Variants in STARD13 observed in about 807,000 individuals in gnomAD.
The protein encoded by STARD13 is stAR-related lipid transfer protein 13.
STARD13 carries 62 observed loss-of-function variants against 106.4 expected under a neutral mutation model. The observed-to-expected ratio is 0.58, with a 90% CI of 0.48 to 0.72. The LOEUF (loss-of-function observed/expected upper bound fraction) is 0.72. Ranked by LOEUF, STARD13 falls within the 30% of genes least tolerant of loss-of-function variation. The probability of loss-of-function intolerance (pLI) is 0.00; values close to 1 mark genes in which losing one functional copy is unlikely to be tolerated. For synonymous variants in STARD13, 565 were observed against 553.0 expected, an observed-to-expected ratio of 1.02 and a Z score of -0.31; for missense variants, 1,387 against 1,424.0, an observed-to-expected ratio of 0.97 and a Z score of 0.42.
chr13:33,522,398 A>T, the STARD13 span, among the ~76,000 whole-genome samples: 1 of 152,098 alleles, frequency 6.6e-6, no homozygotes, highest in African/African-American at 2.4e-5. Context: ...CACAAAGCCC[A>T]TAGTGTACAG....
chr13:33,135,802 T>C (rs1878975145), intron 4 of STARD13, among the ~76,000 whole-genome samples: 1 of 152,178 alleles, frequency 6.6e-6, no homozygotes, highest in African/African-American at 2.4e-5. Flanking sequence ...TTAACTTAGA[T>C]AACAAAGAAG....
the STARD13 span, among the ~76,000 whole-genome samples, chr13:33,589,231 A>G: frequency 0.07 from 10,620 of 152,100 alleles, 399 homozygotes; most frequent in East Asian, 0.098. Flanking sequence ...AATTTTGTCA[A>G]TCTTTTCAAA....
At chr13:33,554,044 C>T in the STARD13 span, among the ~76,000 whole-genome samples, 1 of 151,998 alleles carries the variant, frequency 6.6e-6, no homozygotes. Flanking sequence ...CTCTCCCTTC[C>T]ATGAGTTTAT....
chr13:33,339,091 G>A (rs2077930729), intron 1 of STARD13, among the ~76,000 whole-genome samples: 1 of 152,078 alleles, frequency 6.6e-6, no homozygotes, highest in Non-Finnish European at 1.5e-5. Context: ...ACTGTGCTAA[G>A]TTCTTTGCAA....
At chr13:33,557,748 A>G in the STARD13 span, among the ~76,000 whole-genome samples, 12 of 152,108 alleles carry the variant, frequency 7.9e-5, no homozygotes, top group Non-Finnish European at 1.6e-4. Context: ...CACTCCCACC[A>G]CTCATTTAGT....
At chr13:33,182,592 T>C (rs1278366520) in intron 1 of STARD13, among the ~76,000 whole-genome samples, 1 of 150,044 alleles carries the variant, frequency 6.7e-6, no homozygotes, top group Non-Finnish European at 1.5e-5. Context: ...GCTGATGAGC[T>C]AAAAAAAAAA....
At chr13:33,662,996 G>A in the STARD13 span, among the ~76,000 whole-genome samples, 4 of 152,204 alleles carry the variant, frequency 2.6e-5, no homozygotes, top group South Asian at 6.2e-4. Flanking sequence ...AGAGTGAGGT[G>A]AGGTATTTAT....
chr13:33,385,869 A>AAC, the STARD13 span, among the ~76,000 whole-genome samples: 2 of 151,376 alleles, frequency 1.3e-5, no homozygotes, highest in African/African-American at 4.8e-5. Context: ...AAAAACAAAA[A>AAC]AAAAAAAATT....
the STARD13 span, among the ~76,000 whole-genome samples, chr13:33,480,352 A>C: frequency 2.6e-5 from 4 of 152,210 alleles, no homozygotes; most frequent in Non-Finnish European, 5.9e-5. Flanking sequence ...AAAAGTGAAC[A>C]AAATTAAGCT....
chr13:33,610,058 T>G, the STARD13 span, among the ~76,000 whole-genome samples: 2 of 146,526 alleles, frequency 1.4e-5, no homozygotes, highest in African/African-American at 5.4e-5. Flanking sequence ...AAAGCTAGAT[T>G]TACATTGATA....
At chr13:33,402,185 T>A in the STARD13 span, among the ~76,000 whole-genome samples, 5 of 152,294 alleles carry the variant, frequency 3.3e-5, no homozygotes, top group African/African-American at 1.2e-4. Context: ...AAATTGTACA[T>A]CTCCCATGAT....
chr13:33,442,534 A>C, the STARD13 span, among the ~76,000 whole-genome samples: 1 of 152,272 alleles, frequency 6.6e-6, no homozygotes, highest in Non-Finnish European at 1.5e-5. Flanking sequence ...TTTGAATTTG[A>C]TGAATATATG....
chr13:33,124,672 A>T (rs1347895248), intron 7 of STARD13, among the ~76,000 whole-genome samples: 1 of 152,112 alleles, frequency 6.6e-6, no homozygotes, highest in Non-Finnish European at 1.5e-5. Flanking sequence ...ATAGCTATGG[A>T]CATTAACTTT....
the STARD13 span, among the ~76,000 whole-genome samples, chr13:33,550,935 A>G: frequency 2.6e-5 from 4 of 152,206 alleles, no homozygotes; most frequent in South Asian, 8.3e-4. Context: ...TTTTCCACTT[A>G]TACCACCATC....
downstream of STARD13, among the ~76,000 whole-genome samples, chr13:33,344,036 C>T (rs1167469758): frequency 6.6e-6 from 1 of 152,040 alleles, no homozygotes; most frequent in Non-Finnish European, 1.5e-5. Flanking sequence ...CTGTATTCGC[C>T]CCAGAATTCT....
chr13:33,350,780 T>G, upstream of STARD13: 10 of 450,216 alleles, frequency 2.2e-5, no homozygotes, highest in East Asian at 1.7e-4. Flanking sequence ...GCGCTTCCCC[T>G]TCCCTCCCTC....
At chr13:33,525,797 GTTTT>G in the STARD13 span, among the ~76,000 whole-genome samples, 1 of 152,112 alleles carries the variant, frequency 6.6e-6, no homozygotes, top group East Asian at 1.9e-4. Flanking sequence ...ATCAGAGGTT[GTTTT>G]TGGTGGGAGG....
At chr13:33,373,536 T>C in the STARD13 span, among the ~76,000 whole-genome samples, 1 of 152,100 alleles carries the variant, frequency 6.6e-6, no homozygotes, top group Non-Finnish European at 1.5e-5. Context: ...GTAGGAAATA[T>C]TTGCAAGTTA....
At chr13:33,296,377 T>A (rs1192042420) in intron 1 of STARD13, among the ~76,000 whole-genome samples, 2 of 152,090 alleles carry the variant, frequency 1.3e-5, no homozygotes, top group Non-Finnish European at 2.9e-5. Flanking sequence ...TCTTTATCAG[T>A]CAATTAAATA....
Sources: gnomAD v4.1 joint callset for allele counts (sites outside exome capture counted in the v4.1 genomes callset) on GRCh38, gnomAD v4.1.1 for gene constraint, MANE v1.5 for transcripts, NCBI Gene and HGNC (gene_info 2026-07-23, HGNC 2026-07-21) for gene names.